Variants in LHFPL6 observed in about 807,000 individuals in gnomAD.
LHFPL6 encodes LHFPL tetraspan subfamily member 6 protein.
LHFPL6 carries 9 observed loss-of-function variants against 20.6 expected under a neutral mutation model. That is an observed-to-expected ratio of 0.44 (90% CI 0.26 to 0.76). The LOEUF (loss-of-function observed/expected upper bound fraction) is 0.76, where lower values mean the gene tolerates loss of function less well. LHFPL6 is among the 30% of genes least tolerant of loss of function. The pLI is 0.20. For missense variants in LHFPL6, 218 were observed against 253.5 expected (o/e 0.86, Z 0.95); for synonymous variants, 105 against 98.7 (o/e 1.06, Z -0.38).
intron 3 of LHFPL6, among the ~76,000 whole-genome samples, chr13:39,376,427 A>T (rs1870295454): frequency 6.6e-6 from 1 of 152,228 alleles, no homozygotes; most frequent in African/African-American, 2.4e-5. Context: ...TCAAAGAGGG[A>T]AGAATAGGTA....
At chr13:39,362,660 C>T (rs1412716352) in intron 3 of LHFPL6, among the ~76,000 whole-genome samples, 1 of 152,180 alleles carries the variant, frequency 6.6e-6, no homozygotes, top group Non-Finnish European at 1.5e-5. Context: ...GACCCTCTTA[C>T]ACTCTGTGTG....
At chr13:39,407,717 A>G (rs555531305) in intron 2 of LHFPL6, among the ~76,000 whole-genome samples, 1 of 152,354 alleles carries the variant, frequency 6.6e-6, no homozygotes, top group African/African-American at 2.4e-5. Flanking sequence ...TTTAATATTA[A>G]CTGAGCCATT....
intron 2 of LHFPL6, among the ~76,000 whole-genome samples, chr13:39,497,359 A>T (rs1356534008): frequency 4.6e-5 from 7 of 152,168 alleles, no homozygotes; most frequent in Admixed American, 4.6e-4. Context: ...CATGAGCTCA[A>T]ATTTAATAAC....
Position 39,600,912 on chromosome 13 carries a change from G to A in LHFPL6, c.305C>T (p.Thr102Ile), listed in dbSNP as rs758194335. 1.3e-6 allele frequency: 2 copies of A among 1,587,978 alleles called. No individual in the cohort carries two copies. Among genetic ancestry groups the A allele is most frequent in the Admixed American group, 3.4e-5 (2 of 58,354 alleles). Reference sequence around the variant, plus strand: ...GGAAACACAGCAACCCATGAGGGCAGTGAGCGCCACCAGGAGGAGGAGGCC... The same window carrying A: ...GGAAACACAGCAACCCATGAGGGCAATGAGCGCCACCAGGAGGAGGAGGCC... ...GCGLLLLVAL[T>I]ALMGCCVSDL... Residue 102 changes from threonine (T) to isoleucine (I), a missense_variant, in exon 2 of 4, where the codon ACT becomes ATT. Coordinates refer to ENST00000379589, the MANE Select transcript of LHFPL6 (RefSeq NM_005780.3).
chr13:39,541,607 T>C lies in LHFPL6; in HGVS notation c.385+59225A>G, dbSNP rs1402333993. 5.3e-5 allele frequency among the ~76,000 whole-genome samples: 8 copies of C among 152,188 alleles called. No homozygotes were observed. In the East Asian group the frequency reaches 1.5e-3, roughly 29 times the overall value. ...TACTAATTACTCCAGCTCATGAGGA[T>C]TGTCTCTATTCACTCTCACTGACCT... On this transcript the variant is annotated intron_variant, in intron 2 of 3. Transcript: ENST00000379589.
At chr13:39,509,246 T>G (rs1210080802) in intron 2 of LHFPL6, among the ~76,000 whole-genome samples, 1 of 152,248 alleles carries the variant, frequency 6.6e-6, no homozygotes. Flanking sequence ...TTTTGAATAT[T>G]TTTAAATAAT....
chr13:39,566,380 A>T (rs762461889), intron 2 of LHFPL6, among the ~76,000 whole-genome samples: 1 of 152,208 alleles, frequency 6.6e-6, no homozygotes, highest in African/African-American at 2.4e-5. Flanking sequence ...CCATGTCTGA[A>T]TGACTCAGTA....
At chr13:39,575,969 T>A (rs1324686644) in intron 2 of LHFPL6, among the ~76,000 whole-genome samples, 1 of 152,206 alleles carries the variant, frequency 6.6e-6, no homozygotes, top group Non-Finnish European at 1.5e-5. Context: ...TTCAGGTTTA[T>A]CTACCTTGCA....
At chr13:39,488,790 T>C (rs993123829) in intron 2 of LHFPL6, among the ~76,000 whole-genome samples, 2 of 152,226 alleles carry the variant, frequency 1.3e-5, no homozygotes, top group African/African-American at 4.8e-5. Flanking sequence ...CTAATTAGAT[T>C]TAAAACATCT....
intron 2 of LHFPL6, among the ~76,000 whole-genome samples, chr13:39,589,682 T>A (rs895153510): frequency 2.6e-5 from 4 of 152,210 alleles, no homozygotes; most frequent in African/African-American, 9.6e-5. Context: ...AAGAAATATG[T>A]CCTTTGGAAT....
chr13:39,601,775 G>C (rs1023750473), intron 1 of LHFPL6, among the ~76,000 whole-genome samples: 2 of 152,128 alleles, frequency 1.3e-5, no homozygotes, highest in East Asian at 3.9e-4. Context: ...TTTTTGGCTT[G>C]CAAGTTCATG....
chr13:39,454,025 G>A (rs1403991671), intron 2 of LHFPL6, among the ~76,000 whole-genome samples: 1 of 150,302 alleles, frequency 6.7e-6, no homozygotes, highest in Non-Finnish European at 1.5e-5. Flanking sequence ...AAATGCAATT[G>A]ATTTCAGAAT....
chr13:39,586,404 G>A (rs4567589), intron 2 of LHFPL6, among the ~76,000 whole-genome samples: 110,402 of 151,952 alleles, frequency 0.73, 41,627 homozygotes, highest in East Asian at 0.85. Flanking sequence ...AACACTGTAT[G>A]ATAAACCACA....
intron 2 of LHFPL6, among the ~76,000 whole-genome samples, chr13:39,561,274 A>C (rs1593363740): frequency 6.6e-6 from 1 of 151,182 alleles, no homozygotes; most frequent in Admixed American, 6.6e-5. Context: ...CTCTCCCTAA[A>C]CCCTTTCTAT....
intron 2 of LHFPL6, among the ~76,000 whole-genome samples, chr13:39,386,936 C>A (rs1303365283): frequency 6.6e-6 from 1 of 152,194 alleles, no homozygotes; most frequent in Non-Finnish European, 1.5e-5. Flanking sequence ...GAAAATACTA[C>A]CACTTAAGGT....
At chr13:39,474,861 C>G (rs148290761) in intron 2 of LHFPL6, among the ~76,000 whole-genome samples, 111 of 151,906 alleles carry the variant, frequency 7.3e-4, no homozygotes, top group African/African-American at 2.6e-3. Context: ...GAGGAGAGAC[C>G]CTAACAGCCC....
At chr13:39,577,906 G>T (rs373808826) in intron 2 of LHFPL6, among the ~76,000 whole-genome samples, 1 of 152,000 alleles carries the variant, frequency 6.6e-6, no homozygotes, top group East Asian at 1.9e-4. Flanking sequence ...CACCCAAAGT[G>T]CTGGGATTAC....
At chr13:39,527,695 A>G (rs1040431116) in intron 2 of LHFPL6, among the ~76,000 whole-genome samples, 12 of 151,946 alleles carry the variant, frequency 7.9e-5, no homozygotes, top group Non-Finnish European at 1.5e-4. Flanking sequence ...TTATATACTC[A>G]TCATTTTTTT....
intron 2 of LHFPL6, among the ~76,000 whole-genome samples, chr13:39,503,962 A>T (rs1475175): frequency 6.6e-6 from 1 of 152,020 alleles, no homozygotes; most frequent in Non-Finnish European, 1.5e-5. Flanking sequence ...TAAATAAGAA[A>T]GATGATAACA....
Sources: gnomAD v4.1 joint callset for allele counts (sites outside exome capture counted in the v4.1 genomes callset) on GRCh38, gnomAD v4.1.1 for gene constraint, MANE v1.5 for transcripts, NCBI Gene and HGNC (gene_info 2026-07-23, HGNC 2026-07-21) for gene names.